NEK10: variants seen among roughly 807,000 people sequenced by gnomAD.
NEK10 encodes the protein serine/threonine-protein kinase Nek10.
In NEK10, 122 loss-of-function variants were observed where a neutral mutation model predicts 159.8. The observed-to-expected ratio is 0.76, with a 90% confidence interval of 0.66 to 0.89. The LOEUF (loss-of-function observed/expected upper bound fraction) is 0.89. Ranked by LOEUF, NEK10 falls within the 40% of genes least tolerant of loss-of-function variation. The probability of loss-of-function intolerance (pLI) is 0.00; values close to 1 mark genes in which losing one functional copy is unlikely to be tolerated. For missense variants in NEK10, 1,342 were observed against 1,323.1 expected (o/e 1.01, Z -0.22); for synonymous variants, 466 against 457.1 (o/e 1.02, Z -0.25).
intron 6 of NEK10, among the ~76,000 whole-genome samples, chr3:27,321,895 A>C (rs1308130067): frequency 6.6e-6 from 1 of 152,242 alleles, no homozygotes; most frequent in Non-Finnish European, 1.5e-5. Context: ...TGAATGGTAA[A>C]TGGTTTAAAA....
intron 30 of NEK10, among the ~76,000 whole-genome samples, chr3:27,160,723 T>C (rs982249151): frequency 6.6e-6 from 1 of 152,070 alleles, no homozygotes; most frequent in Non-Finnish European, 1.5e-5. Context: ...CTGGCCAATA[T>C]GGAGAAACCC....
At chr3:27,114,184 T>C (rs1447324019) in intron 35 of NEK10, among the ~76,000 whole-genome samples, 1 of 152,230 alleles carries the variant, frequency 6.6e-6, no homozygotes, top group Non-Finnish European at 1.5e-5. Context: ...AACTCAGTCC[T>C]AGCTCCCTTT....
intron 22 of NEK10, among the ~76,000 whole-genome samples, chr3:27,279,862 C>G (rs2042022736): frequency 6.6e-6 from 1 of 152,096 alleles, no homozygotes; most frequent in African/African-American, 2.4e-5. Context: ...TCACTTAAAG[C>G]TAAACGGCCT....
intron 6 of NEK10, among the ~76,000 whole-genome samples, chr3:27,315,960 G>A (rs35112923): frequency 0.015 from 2,283 of 152,264 alleles, 34 homozygotes; most frequent in Non-Finnish European, 0.021. Context: ...AAGAGAATAG[G>A]AGGCTCAAAG....
intron 23 of NEK10, among the ~76,000 whole-genome samples, chr3:27,228,010 A>G (rs1247859938): frequency 6.6e-6 from 1 of 152,202 alleles, no homozygotes; most frequent in East Asian, 1.9e-4. Context: ...TATTACTTTA[A>G]TGGTCAGGAA....
At chr3:27,238,715 T>G (rs1156676382) in intron 23 of NEK10, among the ~76,000 whole-genome samples, 1 of 151,160 alleles carries the variant, frequency 6.6e-6, no homozygotes, top group Non-Finnish European at 1.5e-5. Context: ...ATTACCAGCT[T>G]AGTGTTATTT....
chr3:27,290,441 T>G (rs2042916960), intron 19 of NEK10, among the ~76,000 whole-genome samples, 176 bp downstream of exon 19: 1 of 152,222 alleles, frequency 6.6e-6, no homozygotes, highest in Non-Finnish European at 1.5e-5. Context: ...AGACAGTGTT[T>G]TATGCTTCAA....
intron 23 of NEK10, among the ~76,000 whole-genome samples, chr3:27,227,158 T>C (rs1306415148): frequency 6.6e-6 from 1 of 152,222 alleles, no homozygotes; most frequent in Non-Finnish European, 1.5e-5. Context: ...AATGACAGAA[T>C]GCTAGTAAAT....
Position 27,108,370 on chromosome 3 carries a change from G to A in NEK10, c.*2902C>T, listed in dbSNP as rs1939194120. On this transcript the variant is annotated 3_prime_UTR_variant, in exon 36 of 36. Coordinates refer to ENST00000691995, the MANE Select transcript of NEK10 (RefSeq NM_001394966.1). ...GACTCCATTTGAAGACTACATGCCTGGAGGAAGATAAAGTTAACAAGCAAG... is the reference window on the plus strand; with the variant it reads ...GACTCCATTTGAAGACTACATGCCTAGAGGAAGATAAAGTTAACAAGCAAG... Among the ~76,000 whole-genome samples, 1 of 152,170 alleles carries A rather than the reference G, an allele frequency of 6.6e-6. No individual in the cohort carries two copies. The highest frequency in any genetic ancestry group is 2.4e-5 in the African/African-American group (1 of 41,424).
chr3:27,198,565 G>C (rs906083226), intron 25 of NEK10, among the ~76,000 whole-genome samples: 1 of 152,080 alleles, frequency 6.6e-6, no homozygotes, highest in East Asian at 1.9e-4. Flanking sequence ...AAATGGTGCT[G>C]GGATAACTGG....
chr3:27,342,328 AG>A (rs2047256566), intron 5 of NEK10, among the ~76,000 whole-genome samples: 2 of 152,160 alleles, frequency 1.3e-5, no homozygotes, highest in Admixed American at 1.3e-4. Flanking sequence ...AAAAAAAAGG[AG>A]GGATGATCCT....
intron 7 of NEK10, among the ~76,000 whole-genome samples, chr3:27,314,030 C>T (rs766566703): frequency 4.6e-5 from 7 of 152,094 alleles, no homozygotes; most frequent in Non-Finnish European, 8.8e-5. Context: ...CTTATTATTA[C>T]TAGCTAAAGA....
chr3:27,208,151 C>T (rs1016830000), intron 23 of NEK10, among the ~76,000 whole-genome samples: 1 of 151,956 alleles, frequency 6.6e-6, no homozygotes, highest in African/African-American at 2.4e-5. Context: ...CTCAAAAAAC[C>T]ATCACTATGG....
At chr3:27,229,614 A>T (rs1460155704) in intron 23 of NEK10, among the ~76,000 whole-genome samples, 5 of 152,124 alleles carry the variant, frequency 3.3e-5, no homozygotes, top group South Asian at 2.1e-4. Context: ...ACATAAAGAA[A>T]TTTTTTTAAT....
intron 31 of NEK10, 77 bp downstream of exon 31, chr3:27,141,405 C>A (rs192948843): frequency 7.6e-5 from 84 of 1,101,260 alleles, no homozygotes; most frequent in Admixed American, 6.1e-4. Flanking sequence ...CTAAAGTCCT[C>A]CAAAATAGTT....
intron 22 of NEK10, among the ~76,000 whole-genome samples, chr3:27,258,292 C>T (rs977364529): frequency 2.0e-5 from 3 of 151,904 alleles, no homozygotes; most frequent in Admixed American, 1.3e-4. Context: ...CATATGTATA[C>T]ATGTGCCATG....
At chr3:27,164,787 C>T (rs535651088) in intron 29 of NEK10, among the ~76,000 whole-genome samples, 29 of 152,298 alleles carry the variant, frequency 1.9e-4, no homozygotes, top group Non-Finnish European at 3.4e-4. Context: ...AATAAAAATG[C>T]AACTTGTGGC....
chr3:27,136,112 T>G, intron 31 of NEK10, among the ~76,000 whole-genome samples: 1 of 138,290 alleles, frequency 7.2e-6, no homozygotes, highest in East Asian at 2.1e-4. Flanking sequence ...GATTTTTTTT[T>G]TTTTTTTTTT....
At chr3:27,251,122 T>C (rs926500499) in intron 23 of NEK10, among the ~76,000 whole-genome samples, 1 of 152,182 alleles carries the variant, frequency 6.6e-6, no homozygotes, top group Non-Finnish European at 1.5e-5. Context: ...GCACTATTAT[T>C]ATCATCCCCA....
Sources: gnomAD v4.1 joint callset for allele counts (sites outside exome capture counted in the v4.1 genomes callset) on GRCh38, gnomAD v4.1.1 for gene constraint, MANE v1.5 for transcripts, NCBI Gene and HGNC (gene_info 2026-07-23, HGNC 2026-07-21) for gene names.